Variants in FAT4 observed in about 807,000 individuals in gnomAD.
FAT4 encodes protocadherin Fat 4.
FAT4 carries 84 observed loss-of-function variants against 303.9 expected under a neutral mutation model. The observed-to-expected ratio is 0.28, with a 90% CI of 0.23 to 0.33. The LOEUF (loss-of-function observed/expected upper bound fraction) is 0.33. Ranked by LOEUF, FAT4 falls within the 10% of genes least tolerant of loss-of-function variation. The pLI is 1.00. For synonymous variants in FAT4, 2,307 were observed against 2,298.8 expected (o/e 1.00, Z -0.10); for missense variants, 6,005 against 6,146.8 (o/e 0.98, Z 0.77).
chr4:125,366,100 C>G (rs1183421489), intron 2 of FAT4, among the ~76,000 whole-genome samples: 1 of 152,134 alleles, frequency 6.6e-6, no homozygotes, highest in Non-Finnish European at 1.5e-5. Flanking sequence ...AATTGTCTTC[C>G]ACAAAACTGG....
intron 2 of FAT4, among the ~76,000 whole-genome samples, chr4:125,357,417 A>T (rs78188548): frequency 0.053 from 8,099 of 152,238 alleles, 227 homozygotes; most frequent in Middle Eastern, 0.095. Flanking sequence ...GGATAGATTT[A>T]TACCTTAACC....
At chr4:125,427,087 G>A (rs1463791157) in intron 7 of FAT4, among the ~76,000 whole-genome samples, 1 of 151,900 alleles carries the variant, frequency 6.6e-6, no homozygotes, top group Admixed American at 6.6e-5. Flanking sequence ...TTCAATAACT[G>A]TGTTGAAATT....
chr4:125,358,900 G>A (rs1394268499), intron 2 of FAT4, among the ~76,000 whole-genome samples: 2 of 152,042 alleles, frequency 1.3e-5, no homozygotes, highest in Non-Finnish European at 2.9e-5. Context: ...CACTTACATT[G>A]TACTTTTACT....
At chr4:125,384,259 G>C (rs1345944823) in intron 2 of FAT4, among the ~76,000 whole-genome samples, 1 of 152,148 alleles carries the variant, frequency 6.6e-6, no homozygotes, top group Non-Finnish European at 1.5e-5. Context: ...ATTTTCCAAA[G>C]TGGTTGCACC....
chr4:125,451,464 T>C lies in FAT4; in HGVS notation c.10454T>C (p.Val3485Ala). The C allele has an allele frequency of 6.2e-7, 1 of 1,614,176 alleles. No individual in the cohort carries two copies. Among genetic ancestry groups the C allele is most frequent in the Non-Finnish European group, 8.5e-7 (1 of 1,180,022 alleles). ...LPIYNLSVLA[V>A]DSGTPSATGS... ...ATCTATAATCTCTCAGTTTTGGCTG[T>C]TGATTCAGGGACCCCCTCAGCTACA... The change falls in exon 10 of 18, where the codon GTT becomes GCT. Residue 3485 changes from valine (V) to alanine (A), a missense_variant. Transcript: ENST00000394329.
intron 7 of FAT4, among the ~76,000 whole-genome samples, chr4:125,428,824 C>A (rs567306628): frequency 6.6e-6 from 1 of 152,140 alleles, no homozygotes; most frequent in Non-Finnish European, 1.5e-5. Flanking sequence ...TTCTTAACCT[C>A]TACAATTACA....
chr4:125,454,925 G>A lies in FAT4; in HGVS notation c.11800+2115G>A, dbSNP rs184503226. 5.9e-5 allele frequency among the ~76,000 whole-genome samples: 9 copies of A among 152,246 alleles called. No individual in the cohort carries two copies. The East Asian group carries it at 1.7e-3, about 29-fold the overall frequency. On this transcript the variant is annotated intron_variant, in intron 10 of 17. Coordinates refer to ENST00000394329, the MANE Select transcript of FAT4 (RefSeq NM_001291303.3). ...GTAGTAATAATGGTATTAGTATAGT[G>A]GTAGTAATAGAGGAGTACCACAGAA...
At chr4:125,388,986 G>C (rs1019936954) in intron 2 of FAT4, among the ~76,000 whole-genome samples, 4 of 152,128 alleles carry the variant, frequency 2.6e-5, no homozygotes, top group Non-Finnish European at 5.9e-5. Flanking sequence ...TTAGTGGTGA[G>C]AGATTAATGT....
intron 2 of FAT4, chr4:125,362,944 C>T (rs1732727956): frequency 6.6e-6 from 1 of 151,616 alleles, no homozygotes; most frequent in Non-Finnish European, 1.5e-5. Flanking sequence ...AAACAAACAC[C>T]AAAACCAAAC....
chr4:125,385,883 TG>T (rs1733731107), intron 2 of FAT4, among the ~76,000 whole-genome samples: 2 of 152,304 alleles, frequency 1.3e-5, no homozygotes, highest in African/African-American at 4.8e-5. Flanking sequence ...CTAAAAATGT[TG>T]GTACTTTGGT....
chr4:125,456,273 T>C (rs1173081325), intron 10 of FAT4, among the ~76,000 whole-genome samples: 1 of 152,126 alleles, frequency 6.6e-6, no homozygotes, highest in Non-Finnish European at 1.5e-5. Flanking sequence ...GTCTGGTGAC[T>C]CCAGGGCCAG....
In FAT4 at chr4:125,489,940, G is replaced by A. The variant is rs767377691; in HGVS notation, c.13124G>A (p.Gly4375Glu). The change falls in exon 18 of 18, where the codon GGA becomes GAA. Residue 4375 changes from glycine (G) to glutamate (E), a missense_variant. By Grantham distance (98) the Gly-to-Glu change is moderately conservative (BLOSUM62 -2). Coordinates refer to ENST00000394329, the MANE Select transcript of FAT4 (RefSeq NM_001291303.3). ...DGCIASMWYG[G>E]ESLPFSGKHS... ...TGCATTGCTTCTATGTGGTATGGTG[G>A]AGAAAGTCTTCCTTTCAGCGGGAAG... is the stretch of plus-strand genomic sequence containing the variant. 3 of 1,596,594 alleles carry A rather than the reference G, an allele frequency of 1.9e-6. No homozygotes were observed. The highest frequency in any genetic ancestry group is 1.7e-5 in the Admixed American group (1 of 57,480).
intron 2 of FAT4, among the ~76,000 whole-genome samples, chr4:125,327,011 TTA>T: frequency 6.6e-6 from 1 of 152,224 alleles, no homozygotes; most frequent in East Asian, 1.9e-4. Flanking sequence ...GGTGACAGAA[TTA>T]GACTTTATCT....
chr4:125,375,376 G>A (rs1733272229), intron 2 of FAT4, among the ~76,000 whole-genome samples: 1 of 152,094 alleles, frequency 6.6e-6, no homozygotes, highest in African/African-American at 2.4e-5. Flanking sequence ...AAAGTAAAAG[G>A]CAAAAAGTCA....
intron 7 of FAT4, among the ~76,000 whole-genome samples, chr4:125,431,468 A>C (rs1725281458): frequency 1.3e-5 from 2 of 152,218 alleles, no homozygotes; most frequent in Non-Finnish European, 2.9e-5. Flanking sequence ...AGGGGGCAGA[A>C]TCCTGAGAGC....
Position 125,468,612 on chromosome 4 carries a change from C to T in FAT4, c.12006C>T (p.Val4002=), listed in dbSNP as rs772419460. ...ACCCCAATAACAACTATATTTATGT[C>T]AAATTTGCCACGATTAAAAGTCATG... The part of the protein sequence containing the change: ...SLDPNNNYIY[V]KFATIKSHAL... The change falls in exon 12 of 18, where the codon GTC becomes GTT. Residue 4002 remains valine, a synonymous_variant. Coordinates refer to ENST00000394329, the MANE Select transcript of FAT4 (RefSeq NM_001291303.3). The T allele has an allele frequency of 3.1e-6, 5 of 1,614,020 alleles. No homozygotes were observed. Among genetic ancestry groups the T allele is most frequent in the Non-Finnish European group, 4.2e-6 (5 of 1,180,008 alleles).
Position 125,481,561 on chromosome 4 carries a change from G to A in FAT4, c.12645G>A (p.Gly4215=). The A allele has an allele frequency of 4.3e-6, 7 of 1,614,022 alleles. No individual in the cohort carries two copies. Among genetic ancestry groups the A allele is most frequent in the Non-Finnish European group, 5.9e-6 (7 of 1,179,934 alleles). ...PDTALSLEGK[G]RLDYHMSQNE... is the part of the protein sequence containing the mutation. ...CTGCCTTATCATTAGAAGGCAAAGGGCGCTTGGACTACCACATGAGTCAGA... is the reference window on the plus strand; with the variant it reads ...CTGCCTTATCATTAGAAGGCAAAGGACGCTTGGACTACCACATGAGTCAGA... Residue 4215 remains glycine, a synonymous_variant, in exon 16 of 18, where the codon GGG becomes GGA. Coordinates refer to ENST00000394329, the MANE Select transcript of FAT4 (RefSeq NM_001291303.3).
At chr4:125,484,971 G>T (rs1278450879) in intron 16 of FAT4, among the ~76,000 whole-genome samples, 1 of 151,830 alleles carries the variant, frequency 6.6e-6, no homozygotes, top group Non-Finnish European at 1.5e-5. Context: ...TCCCACCTCA[G>T]CCTCCCAAGT....
At chr4:125,348,319 A>G (rs1366089850) in intron 2 of FAT4, among the ~76,000 whole-genome samples, 2 of 151,802 alleles carry the variant, frequency 1.3e-5, no homozygotes, top group East Asian at 1.9e-4. Flanking sequence ...AGTTCAGAGA[A>G]CACAACAAAA....
Sources: gnomAD v4.1 joint callset for allele counts (sites outside exome capture counted in the v4.1 genomes callset) on GRCh38, gnomAD v4.1.1 for gene constraint, MANE v1.5 for transcripts, NCBI Gene and HGNC (gene_info 2026-07-23, HGNC 2026-07-21) for gene names.